The following LRRC28 variants were observed in gnomAD, a reference collection of about 807,000 sequenced individuals.
LRRC28 encodes leucine-rich repeat-containing protein 28.
In LRRC28, 39 loss-of-function variants were observed where a neutral mutation model predicts 45.7. The ratio of observed to expected loss-of-function variants is 0.85; its 90% CI spans 0.66 to 1.12. The LOEUF is 1.12. Ranked by LOEUF, LRRC28 falls within the 50% of genes most tolerant of loss-of-function variation. The pLI is 0.00. For synonymous variants in LRRC28, 206 were observed against 178.8 expected, an observed-to-expected ratio of 1.15 and a Z score of -1.22; for missense variants, 435 against 438.5, an observed-to-expected ratio of 0.99 and a Z score of 0.07.
At chr15:99,299,677 A>G (rs2082348957) in intron 5 of LRRC28, among the ~76,000 whole-genome samples, 1 of 152,208 alleles carries the variant, frequency 6.6e-6, no homozygotes, top group South Asian at 2.1e-4. Context: ...GGTCAATGTA[A>G]TGAGAAGTAA....
intron 6 of LRRC28, among the ~76,000 whole-genome samples, chr15:99,341,627 G>T (rs986790165): frequency 5.3e-5 from 8 of 152,102 alleles, no homozygotes; most frequent in African/African-American, 1.7e-4. Context: ...TAGGGGGTGG[G>T]ACATGATTAA....
intron 6 of LRRC28, among the ~76,000 whole-genome samples, chr15:99,341,950 A>G (rs1322464409): frequency 6.6e-6 from 1 of 152,204 alleles, no homozygotes; most frequent in Non-Finnish European, 1.5e-5. Context: ...AAACAGGAAC[A>G]TAGTGCAGCT....
intron 6 of LRRC28, among the ~76,000 whole-genome samples, chr15:99,343,980 C>T (rs1285269683): frequency 6.6e-6 from 1 of 152,116 alleles, no homozygotes; most frequent in African/African-American, 2.4e-5. Flanking sequence ...GCCTTTACAG[C>T]CTGTGACCTT....
rs555006035 is a variant in LRRC28, at chr15:99,267,981, C to G, written c.169-8595C>G. ...CTAGAAGCTTTATTTATAATTTAGA[C>G]AATTTTTCTTTTTGAGGAAACTAAG... On this transcript the variant is annotated intron_variant, in intron 2 of 9. Coordinates refer to ENST00000301981, the MANE Select transcript of LRRC28 (RefSeq NM_144598.5). Among the ~76,000 whole-genome samples the G allele has an allele frequency of 1.4e-4, 21 of 152,230 alleles. No homozygotes were observed. The South Asian group carries it at 4.1e-3, about 30-fold the overall frequency.
At chr15:99,316,187 A>C (rs979201966) in intron 5 of LRRC28, among the ~76,000 whole-genome samples, 4 of 152,202 alleles carry the variant, frequency 2.6e-5, no homozygotes, top group Admixed American at 2.6e-4. Flanking sequence ...ATGTAAGGTT[A>C]TATAAAAATC....
chr15:99,347,993 C>T (rs189745177), intron 6 of LRRC28, among the ~76,000 whole-genome samples: 151 of 152,246 alleles, frequency 9.9e-4, no homozygotes, highest in African/African-American at 3.5e-3. Context: ...AGGTGATAAT[C>T]TCATAGTGGT....
chr15:99,266,180 G>A (rs1201127448), intron 2 of LRRC28, among the ~76,000 whole-genome samples: 1 of 152,098 alleles, frequency 6.6e-6, no homozygotes, highest in Non-Finnish European at 1.5e-5. Flanking sequence ...AATTGGGCTG[G>A]GAAATGAGGC....
chr15:99,335,332 T>A (rs532976146), intron 6 of LRRC28, among the ~76,000 whole-genome samples: 1 of 152,336 alleles, frequency 6.6e-6, no homozygotes, highest in South Asian at 2.1e-4. Context: ...GCTTCATAAA[T>A]TTTATTTTCT....
At chr15:99,322,169 G>C (rs1371244845) in intron 5 of LRRC28, among the ~76,000 whole-genome samples, 1 of 152,164 alleles carries the variant, frequency 6.6e-6, no homozygotes, top group Non-Finnish European at 1.5e-5. Flanking sequence ...GGGGAAGAGA[G>C]GTGGGCCAGG....
intron 6 of LRRC28, among the ~76,000 whole-genome samples, chr15:99,335,731 T>C (rs560201585): frequency 2.6e-5 from 4 of 152,092 alleles, no homozygotes; most frequent in African/African-American, 2.4e-5. Context: ...CCTAAGCTTG[T>C]ATTTACCACT....
At chr15:99,347,964 A>C (rs1956749594) in intron 6 of LRRC28, among the ~76,000 whole-genome samples, 1 of 152,200 alleles carries the variant, frequency 6.6e-6, no homozygotes, top group South Asian at 2.1e-4. Context: ...TTTTTATAAT[A>C]GCCATCCTTA....
chr15:99,316,613 G>C (rs1955602255), intron 5 of LRRC28, among the ~76,000 whole-genome samples: 1 of 151,868 alleles, frequency 6.6e-6, no homozygotes, highest in African/African-American at 2.4e-5. Context: ...GGGGCTGAAG[G>C]CCTGTTTTTG....
chr15:99,338,362 C>G (rs930384835), intron 6 of LRRC28: 1 of 152,430 alleles, frequency 6.6e-6, no homozygotes, highest in African/African-American at 2.4e-5. Flanking sequence ...TCAAACAAAG[C>G]ATGCAGCCTC....
At chr15:99,278,663 T>C (rs1362089247) in intron 3 of LRRC28, among the ~76,000 whole-genome samples, 1 of 152,258 alleles carries the variant, frequency 6.6e-6, no homozygotes, top group Non-Finnish European at 1.5e-5. Context: ...TTCACCTTTT[T>C]AATTATCTAT....
intron 5 of LRRC28, among the ~76,000 whole-genome samples, chr15:99,288,371 C>CTT (rs67593137): frequency 0.02 from 1,690 of 82,826 alleles, 197 homozygotes; most frequent in African/African-American, 0.068. Context: ...TGTACATTAA[C>CTT]TTTTTTTTTT....
At chr15:99,375,087 G>A (rs1957589788) in intron 9 of LRRC28, among the ~76,000 whole-genome samples, 1 of 152,164 alleles carries the variant, frequency 6.6e-6, no homozygotes, top group Admixed American at 6.5e-5. Flanking sequence ...TAAGTATAAT[G>A]TGTTAACCCT....
intron 5 of LRRC28, among the ~76,000 whole-genome samples, chr15:99,306,801 G>A (rs1020336593): frequency 6.6e-6 from 1 of 151,868 alleles, no homozygotes; most frequent in Admixed American, 6.6e-5. Context: ...TCTGTGTCAC[G>A]CTAACACTTC....
intron 9 of LRRC28, among the ~76,000 whole-genome samples, chr15:99,375,172 G>GGAACTATGT (rs1331626766): frequency 1.3e-5 from 2 of 152,108 alleles, no homozygotes; most frequent in Admixed American, 6.5e-5. Context: ...AGTTTGCTGA[G>GGAACTATGT]AGTTTTAATC....
At chr15:99,254,450 C>T (rs755396898) in intron 1 of LRRC28, among the ~76,000 whole-genome samples, 1 of 152,110 alleles carries the variant, frequency 6.6e-6, no homozygotes, top group Non-Finnish European at 1.5e-5. Flanking sequence ...GTATTAATTC[C>T]CAGTGAAAAT....
Sources: gnomAD v4.1 joint callset for allele counts (sites outside exome capture counted in the v4.1 genomes callset) on GRCh38, gnomAD v4.1.1 for gene constraint, MANE v1.5 for transcripts, NCBI Gene and HGNC (gene_info 2026-07-23, HGNC 2026-07-21) for gene names.